MACROD2: variants seen among roughly 807,000 people sequenced by gnomAD.
MACROD2 encodes the protein ADP-ribose glycohydrolase MACROD2.
Under a neutral mutation model 70.4 loss-of-function variants are expected in MACROD2, and 36 were observed. The observed-to-expected ratio is 0.51, with a 90% CI of 0.39 to 0.68. MACROD2 has a LOEUF of 0.68. Ranked by LOEUF, MACROD2 falls within the 30% of genes least tolerant of loss-of-function variation. MACROD2 has a pLI of 0.00. For missense variants in MACROD2, 496 were observed against 538.4 expected, an observed-to-expected ratio of 0.92 and a Z score of 0.78; for synonymous variants, 172 against 178.8, an observed-to-expected ratio of 0.96 and a Z score of 0.30.
At chr20:14,528,416 A>G (rs1190690291) in intron 4 of MACROD2, among the ~76,000 whole-genome samples, 2 of 151,582 alleles carry the variant, frequency 1.3e-5, no homozygotes, top group Non-Finnish European at 2.9e-5. Flanking sequence ...GGCCTCCCAA[A>G]GTGCTGGGAT....
intron 5 of MACROD2, among the ~76,000 whole-genome samples, chr20:14,839,763 TC>T (rs1404642583): frequency 2.0e-5 from 3 of 152,010 alleles, no homozygotes; most frequent in Admixed American, 2.0e-4. Context: ...GAGAGCCCCC[TC>T]CCCAACTTCA....
intron 5 of MACROD2, among the ~76,000 whole-genome samples, chr20:15,222,515 A>G (rs2076870903): frequency 6.6e-6 from 1 of 152,146 alleles, no homozygotes; most frequent in African/African-American, 2.4e-5. Context: ...TTTAGTGCTC[A>G]GTTTTGTGGT....
intron 10 of MACROD2, among the ~76,000 whole-genome samples, chr20:15,897,685 T>C (rs987018078): frequency 5.3e-5 from 8 of 152,180 alleles, no homozygotes; most frequent in African/African-American, 1.2e-4. Flanking sequence ...ATTTCTAATA[T>C]AGTTTTCTTT....
chr20:14,494,572 C>T (rs563136523), intron 4 of MACROD2, among the ~76,000 whole-genome samples: 3 of 152,124 alleles, frequency 2.0e-5, no homozygotes, highest in South Asian at 2.1e-4. Flanking sequence ...TGTGTGGAGA[C>T]CAGGAAAGCA....
At chr20:15,367,971 G>T (rs1310702436) in intron 6 of MACROD2, among the ~76,000 whole-genome samples, 1 of 151,968 alleles carries the variant, frequency 6.6e-6, no homozygotes, top group Non-Finnish European at 1.5e-5. Flanking sequence ...GATCACTTTG[G>T]TCCTCATTTG....
chr20:14,045,738 A>C (rs1391621246), intron 2 of MACROD2, among the ~76,000 whole-genome samples: 1 of 151,606 alleles, frequency 6.6e-6, no homozygotes, highest in Non-Finnish European at 1.5e-5. Context: ...AATGGAGTAT[A>C]AATGAATAAA....
intron 5 of MACROD2, among the ~76,000 whole-genome samples, chr20:15,088,975 A>G (rs2123158686): frequency 6.6e-6 from 1 of 152,240 alleles, no homozygotes; most frequent in South Asian, 2.1e-4. Context: ...TTAAAAATAA[A>G]TAATTGTTTT....
intron 15 of MACROD2, among the ~76,000 whole-genome samples, chr20:15,989,586 T>A (rs551239423): frequency 6.4e-4 from 97 of 152,272 alleles, no homozygotes; most frequent in Middle Eastern, 3.4e-3. Context: ...TAGCAATTTT[T>A]TTTACTTTCT....
chr20:15,302,275 G>T (rs896553709), intron 6 of MACROD2, among the ~76,000 whole-genome samples: 1 of 151,866 alleles, frequency 6.6e-6, no homozygotes. Context: ...TTCTCTTCTG[G>T]TGATCAAATG....
chr20:15,916,578 C>T (rs1446158706), intron 10 of MACROD2, among the ~76,000 whole-genome samples: 1 of 152,212 alleles, frequency 6.6e-6, no homozygotes, highest in Non-Finnish European at 1.5e-5. Context: ...TCCAAGACTT[C>T]CTGCATCCCG....
At chr20:15,582,006 C>T (rs915392725) in intron 8 of MACROD2, among the ~76,000 whole-genome samples, 2 of 152,078 alleles carry the variant, frequency 1.3e-5, no homozygotes, top group Non-Finnish European at 2.9e-5. Flanking sequence ...CCTGTAGTCC[C>T]AGCTACCTGG....
At chr20:14,026,319 A>T (rs2053164767) in intron 2 of MACROD2, among the ~76,000 whole-genome samples, 1 of 152,176 alleles carries the variant, frequency 6.6e-6, no homozygotes, top group South Asian at 2.1e-4. Flanking sequence ...GTGTCTTTTA[A>T]TCGGGGCATT....
intron 8 of MACROD2, among the ~76,000 whole-genome samples, chr20:15,634,861 A>C (rs1214383672): frequency 6.6e-6 from 1 of 152,186 alleles, no homozygotes; most frequent in Non-Finnish European, 1.5e-5. Context: ...GATGCACTTG[A>C]ATGAGATTTG....
chr20:15,087,990 AAATT>A (rs1166223476), intron 5 of MACROD2, among the ~76,000 whole-genome samples: 6 of 152,074 alleles, frequency 3.9e-5, no homozygotes, highest in Non-Finnish European at 8.8e-5. Flanking sequence ...AATTGGGAAA[AAATT>A]AAAATATTGA....
At chr20:15,603,366 G>A (rs2048848948) in intron 8 of MACROD2, among the ~76,000 whole-genome samples, 1 of 151,678 alleles carries the variant, frequency 6.6e-6, no homozygotes, top group African/African-American at 2.4e-5. Context: ...AAATTAGCCA[G>A]ACATGGTGGT....
intron 5 of MACROD2, among the ~76,000 whole-genome samples, chr20:14,777,601 A>C (rs2072250078): frequency 6.6e-6 from 1 of 152,080 alleles, no homozygotes. Flanking sequence ...AAGTAAGAAG[A>C]AGCATATTAG....
intron 6 of MACROD2, among the ~76,000 whole-genome samples, chr20:15,353,358 T>C (rs1474487441): frequency 1.3e-5 from 2 of 152,176 alleles, no homozygotes; most frequent in African/African-American, 4.8e-5. Flanking sequence ...TAATTCCAGA[T>C]GGATTAAAGA....
intron 3 of MACROD2, among the ~76,000 whole-genome samples, chr20:14,439,560 A>G (rs185106108): frequency 4.6e-5 from 7 of 152,298 alleles, no homozygotes; most frequent in Non-Finnish European, 7.3e-5. Context: ...GAGTTGGGGT[A>G]TGGATCATAG....
At chr20:15,086,364 C>T (rs2075748725) in intron 5 of MACROD2, among the ~76,000 whole-genome samples, 1 of 151,942 alleles carries the variant, frequency 6.6e-6, no homozygotes, top group Admixed American at 6.6e-5. Context: ...AAATTTCTTC[C>T]CATCTCTAGA....
Sources: gnomAD v4.1 joint callset for allele counts (sites outside exome capture counted in the v4.1 genomes callset) on GRCh38, gnomAD v4.1.1 for gene constraint, MANE v1.5 for transcripts, NCBI Gene and HGNC (gene_info 2026-07-23, HGNC 2026-07-21) for gene names.